The following KIAA0586 variants were observed in gnomAD, a reference collection of about 807,000 sequenced individuals.
KIAA0586 encodes the protein KIAA0586.
In KIAA0586, 144 loss-of-function variants were observed where a neutral mutation model predicts 169.8. That is an observed-to-expected ratio of 0.85 (90% CI 0.74 to 0.97). The LOEUF is 0.97. Ranked by LOEUF, KIAA0586 falls within the 50% of genes least tolerant of loss-of-function variation. KIAA0586 has a pLI of 0.00. For synonymous variants in KIAA0586, 625 were observed against 612.4 expected, an observed-to-expected ratio of 1.02 and a Z score of -0.30; for missense variants, 1,854 against 1,823.0, an observed-to-expected ratio of 1.02 and a Z score of -0.31.
At position 58,547,931 on chromosome 14, in the gene KIAA0586, G is replaced by A. The variant is rs758764999; in HGVS notation, c.4646G>A (p.Ter1549=). The change falls in exon 31 of 31, where the codon TGA becomes TAA. Residue 1549 remains the stop codon, a stop_retained_variant. Coordinates refer to ENST00000652326, the MANE Select transcript of KIAA0586 (RefSeq NM_001329943.3). ...GAGTCTTCGGGGGCAGATACCTTCT[G>A]AACGGGAAGAGACAGCCAGCACAGT... The part of the protein sequence containing the change: ...DMESSGADTF[*] 4.6e-5 allele frequency: 74 copies of A among 1,613,274 alleles called. No homozygotes were observed. Among genetic ancestry groups the A allele is most frequent in the Non-Finnish European group, 6.0e-5 (71 of 1,179,616 alleles).
chr14:58,497,276 G>A (rs1490174543), intron 26 of KIAA0586, among the ~76,000 whole-genome samples: 2 of 151,540 alleles, frequency 1.3e-5, no homozygotes, highest in Non-Finnish European at 2.9e-5. Context: ...CCCAGCCAAC[G>A]ATTTTTGTGC....
the KIAA0586 span, among the ~76,000 whole-genome samples, chr14:58,557,625 A>G: frequency 6.6e-6 from 1 of 152,020 alleles, no homozygotes; most frequent in African/African-American, 2.4e-5. Flanking sequence ...TCTCAGCCCA[A>G]TTAATGCTAG....
Position 58,487,127 on chromosome 14 carries a change from G to A in KIAA0586, c.3265G>A (p.Asp1089Asn). 5 of 1,613,576 alleles carry A rather than the reference G, an allele frequency of 3.1e-6. No individual in the cohort carries two copies. Among genetic ancestry groups the A allele is most frequent in the Non-Finnish European group, 4.2e-6 (5 of 1,179,638 alleles). ...PDSSPCDSDH[D>N]MAFPVKEICA... Reference sequence around the variant, plus strand: ...TTCTTCTCCCTGTGATTCGGATCATGATATGGCTTTTCCTGTGAAAGAAAT... The same window carrying A: ...TTCTTCTCCCTGTGATTCGGATCATAATATGGCTTTTCCTGTGAAAGAAAT... The change falls in exon 22 of 31, where the codon GAT (aspartate) becomes AAT (asparagine). Residue 1089 changes from aspartate (D) to asparagine (N), a missense_variant. Coordinates refer to ENST00000652326, the MANE Select transcript of KIAA0586 (RefSeq NM_001329943.3).
intron 27 of KIAA0586, 32 bp downstream of exon 27, chr14:58,498,992 C>T: frequency 6.5e-7 from 1 of 1,535,694 alleles, no homozygotes; most frequent in Non-Finnish European, 8.8e-7. Context: ...CTTGATGTGT[C>T]ATAGTAGTAT....
chr14:58,470,845 A>G (rs1310998445), intron 17 of KIAA0586, 122 bp downstream of exon 17: 2 of 578,728 alleles, frequency 3.5e-6, no homozygotes, highest in Non-Finnish European at 6.0e-6. Context: ...TTTGAAGAAA[A>G]GATTGAAAAC....
intron 29 of KIAA0586, among the ~76,000 whole-genome samples, chr14:58,517,253 A>AT (rs200078021): frequency 0.03 from 4,531 of 152,304 alleles, 93 homozygotes; most frequent in Non-Finnish European, 0.041. Context: ...TGTCCAGAAT[A>AT]TATTTTTAAA....
chr14:58,484,924 A>ATATATATATTT, intron 21 of KIAA0586, among the ~76,000 whole-genome samples: 3 of 13,050 alleles, frequency 2.3e-4, no homozygotes, highest in Non-Finnish European at 2.7e-4. Flanking sequence ...ATATATATAT[A>ATATATATATTT]TTTTTTTTTT....
intron 25 of KIAA0586, among the ~76,000 whole-genome samples, chr14:58,491,239 A>G (rs1188786312): frequency 1.3e-5 from 2 of 152,184 alleles, no homozygotes; most frequent in East Asian, 3.8e-4. Flanking sequence ...ACTAAATTAT[A>G]ACTTGTTTCT....
At chr14:58,430,382 G>C (rs1251247271) in intron 2 of KIAA0586, among the ~76,000 whole-genome samples, 1 of 152,118 alleles carries the variant, frequency 6.6e-6, no homozygotes, top group Non-Finnish European at 1.5e-5. Flanking sequence ...TGGCAAACTG[G>C]TTTGAGTCTG....
At chr14:58,436,845 A>G (rs930105575) in intron 4 of KIAA0586, among the ~76,000 whole-genome samples, 1 of 152,230 alleles carries the variant, frequency 6.6e-6, no homozygotes, top group Non-Finnish European at 1.5e-5. Context: ...CCTTAGAGGA[A>G]TGAAGAATCT....
chr14:58,460,297 A>G (rs2040220622), intron 13 of KIAA0586, among the ~76,000 whole-genome samples: 1 of 152,158 alleles, frequency 6.6e-6, no homozygotes, highest in Non-Finnish European at 1.5e-5. Flanking sequence ...CCCTGGCATC[A>G]TGATTTTGTA....
intron 29 of KIAA0586, among the ~76,000 whole-genome samples, chr14:58,519,258 T>A (rs1369940726): frequency 6.6e-6 from 1 of 152,200 alleles, no homozygotes; most frequent in Non-Finnish European, 1.5e-5. Context: ...TTTGTTTGTT[T>A]TATAGAGATA....
At chr14:58,457,422 C>A (rs1474278016) in intron 10 of KIAA0586, among the ~76,000 whole-genome samples, 1 of 152,130 alleles carries the variant, frequency 6.6e-6, no homozygotes, top group South Asian at 2.1e-4. Context: ...GGTGTGCCAC[C>A]ACACCTGGCT....
At chr14:58,467,694 T>G (rs766694068) in intron 15 of KIAA0586, 41 bp from the exon 16 acceptor site, 2 of 1,450,662 alleles carry the variant, frequency 1.4e-6, no homozygotes, top group East Asian at 4.6e-5. Context: ...TTCCCTTTTT[T>G]TCTGAACTAG....
chr14:58,485,304 A>T (rs2042368263), intron 21 of KIAA0586, among the ~76,000 whole-genome samples: 1 of 152,004 alleles, frequency 6.6e-6, no homozygotes, highest in African/African-American at 2.4e-5. Flanking sequence ...TACATATAAA[A>T]AGATGAAGAT....
chr14:58,541,023 T>C (rs1156497959), intron 30 of KIAA0586, among the ~76,000 whole-genome samples: 1 of 152,140 alleles, frequency 6.6e-6, no homozygotes, highest in African/African-American at 2.4e-5. Flanking sequence ...ACAGGAAAAA[T>C]GCTTCAAGAA....
intron 17 of KIAA0586, among the ~76,000 whole-genome samples, chr14:58,471,697 A>C (rs1040179994): frequency 6.6e-6 from 1 of 152,130 alleles, no homozygotes. Flanking sequence ...ACAAGCAATA[A>C]ATTTTTGGAC....
At chr14:58,539,377 A>C (rs755778229) in intron 29 of KIAA0586, among the ~76,000 whole-genome samples, 3 of 152,156 alleles carry the variant, frequency 2.0e-5, no homozygotes, top group Non-Finnish European at 4.4e-5. Flanking sequence ...AATTTGTTTG[A>C]AATAAGTTAT....
chr14:58,497,994 C>T (rs2043282129), intron 26 of KIAA0586, among the ~76,000 whole-genome samples: 1 of 151,860 alleles, frequency 6.6e-6, no homozygotes, highest in African/African-American at 2.4e-5. Flanking sequence ...TCTCCTGCCT[C>T]AGCCTCCCGA....
Sources: gnomAD v4.1 joint callset for allele counts (sites outside exome capture counted in the v4.1 genomes callset) on GRCh38, gnomAD v4.1.1 for gene constraint, MANE v1.5 for transcripts, NCBI Gene and HGNC (gene_info 2026-07-23, HGNC 2026-07-21) for gene names.